The following CDH19 variants were observed in gnomAD, a reference collection of about 807,000 sequenced individuals.
CDH19 encodes the protein cadherin-19.
In CDH19, 67 loss-of-function variants were observed where a neutral mutation model predicts 64.2. That is an observed-to-expected ratio of 1.04 (90% CI 0.86 to 1.28). The LOEUF is 1.28. Among genes scored for constraint, CDH19 ranks in the 50% most tolerant of loss-of-function variants. The pLI is 0.00. For missense variants in CDH19, 1,030 were observed against 929.0 expected, an observed-to-expected ratio of 1.11 and a Z score of -1.41; for synonymous variants, 346 against 319.3, an observed-to-expected ratio of 1.08 and a Z score of -0.89.
chr18:66,510,521 A>AT (rs991919733), intron 10 of CDH19, among the ~76,000 whole-genome samples: 2 of 147,374 alleles, frequency 1.4e-5, no homozygotes, highest in African/African-American at 4.9e-5. Flanking sequence ...TTAAAATATA[A>AT]TTTTTAACTT....
In CDH19 at chr18:66,503,663, G is replaced by T. The variant is rs992981342; in HGVS notation, c.*1149C>A. 6 of 151,272 alleles carry T rather than the reference G, an allele frequency of 4.0e-5. No homozygotes were observed. Among genetic ancestry groups the T allele is most frequent in the African/African-American group, 1.2e-4 (5 of 41,250 alleles). The allele number at this position is 151,272 out of a possible 1,614,324, so 9.4% of individuals were successfully genotyped here. On this transcript the variant is annotated 3_prime_UTR_variant, in exon 12 of 12. Transcript: ENST00000262150. ...TAAGAATGTGTTTTGAGTTGCATAT[G>T]AAAAAAAATCTATGACAAACACCTA...
chr18:66,569,373 G>A (rs1200725912), intron 2 of CDH19, among the ~76,000 whole-genome samples: 1 of 151,462 alleles, frequency 6.6e-6, no homozygotes, highest in Non-Finnish European at 1.5e-5. Flanking sequence ...GAGTCATATG[G>A]TCTTTGTGTA....
At chr18:66,543,107 G>A (rs1031784162) in intron 7 of CDH19, among the ~76,000 whole-genome samples, 1 of 152,102 alleles carries the variant, frequency 6.6e-6, no homozygotes, top group Admixed American at 6.5e-5. Flanking sequence ...CTCACTGCAA[G>A]CTCTGCCTCC....
Position 66,502,757 on chromosome 18 carries a change from T to C in CDH19, c.*2055A>G, listed in dbSNP as rs1225708721. 1 of 151,928 alleles carries C rather than the reference T, an allele frequency of 6.6e-6. No homozygotes were observed. The highest frequency in any genetic ancestry group is 6.6e-5 in the Admixed American group (1 of 15,232). The allele number at this position is 151,928 out of a possible 1,614,324, so 9.4% of individuals were successfully genotyped here. On this transcript the variant is annotated 3_prime_UTR_variant, in exon 12 of 12. Transcript: ENST00000262150. ...TAAATTTTCTCTTGTTTGGTATTTT[T>C]CCTCTTTCCTAATAATGGTATCATT...
chr18:66,556,784 C>G (rs572103048), intron 3 of CDH19, among the ~76,000 whole-genome samples: 1 of 151,962 alleles, frequency 6.6e-6, no homozygotes, highest in South Asian at 2.1e-4. Flanking sequence ...AAGACACACA[C>G]AAATAAATGG....
At chr18:66,562,572 CTG>C (rs1258625360) in intron 3 of CDH19, among the ~76,000 whole-genome samples, 1 of 152,038 alleles carries the variant, frequency 6.6e-6, no homozygotes, top group Non-Finnish European at 1.5e-5. Flanking sequence ...AAGCACCAGT[CTG>C]TGGCCTGGTT....
chr18:66,541,525 C>G (rs1986885598), intron 7 of CDH19, among the ~76,000 whole-genome samples: 1 of 151,898 alleles, frequency 6.6e-6, no homozygotes, highest in Non-Finnish European at 1.5e-5. Context: ...CTGAAATGTG[C>G]TGAAGTGGGT....
rs548603593 is a variant in CDH19 at position 66,586,248 on chromosome 18, T to C, written c.-112-13932A>G. 1.6e-4 allele frequency among the ~76,000 whole-genome samples: 24 copies of C among 152,102 alleles called. 1 individual carries two copies. Among genetic ancestry groups the C allele is most frequent in the African/African-American group, 5.1e-4 (21 of 41,522 alleles). ...AAATGATATATCATAGACTTAGAAT[T>C]TGTGGTGATCAGAGAGTTCCAAACC... On this transcript the variant is annotated intron_variant, in intron 1 of 11. Transcript: ENST00000262150.
intron 3 of CDH19, among the ~76,000 whole-genome samples, chr18:66,558,179 A>AT (rs1247250438): frequency 6.8e-6 from 1 of 147,686 alleles, no homozygotes; most frequent in African/African-American, 2.5e-5. Context: ...ATATATATAT[A>AT]ATATATATAT....
At chr18:66,595,419 T>G (rs1988857900) in intron 1 of CDH19, among the ~76,000 whole-genome samples, 1 of 141,608 alleles carries the variant, frequency 7.1e-6, no homozygotes, top group African/African-American at 2.6e-5. Flanking sequence ...TAAATAAGAT[T>G]AGTATAGTAC....
intron 7 of CDH19, among the ~76,000 whole-genome samples, chr18:66,540,161 G>A (rs965854553): frequency 6.6e-6 from 1 of 151,948 alleles, no homozygotes; most frequent in African/African-American, 2.4e-5. Context: ...ATCTGCTACT[G>A]GCTTCATTAT....
intron 1 of CDH19, among the ~76,000 whole-genome samples, chr18:66,595,527 A>C (rs1268721669): frequency 6.6e-6 from 1 of 150,874 alleles, no homozygotes; most frequent in Non-Finnish European, 1.5e-5. Context: ...AAAAAAAAAA[A>C]AAAAAAACCT....
In CDH19 at chr18:66,502,110, G is replaced by A. The variant is rs1984970100; in HGVS notation, c.*2702C>T. On this transcript the variant is annotated 3_prime_UTR_variant, in exon 12 of 12. Coordinates refer to ENST00000262150, the MANE Select transcript of CDH19 (RefSeq NM_021153.4). ...TTAATGTAATGCCTTTTTAGTTTAA[G>A]AGCTGTGTTCTTGCAACACCCATGT... The A allele has an allele frequency of 6.6e-6, 1 of 151,986 alleles. No individual in the cohort carries two copies. Among genetic ancestry groups the A allele is most frequent in the Admixed American group, 6.6e-5 (1 of 15,230 alleles). 9.4% of individuals were successfully genotyped at this position (151,986 alleles called of 1,614,324 possible).
At position 66,515,598 on chromosome 18, in the gene CDH19, C is replaced by A. The variant is rs112306591; in HGVS notation, c.1459-3913G>T. Reference sequence around the variant, plus strand: ...CTAAGTTTTCTAAAAGGATTTTTCACAAAGTTTCATTATATTTATTTAAAT... The same window carrying A: ...CTAAGTTTTCTAAAAGGATTTTTCAAAAAGTTTCATTATATTTATTTAAAT... On this transcript the variant is annotated intron_variant, in intron 9 of 11. Coordinates refer to ENST00000262150, the MANE Select transcript of CDH19 (RefSeq NM_021153.4). 1.9e-3 allele frequency among the ~76,000 whole-genome samples: 283 copies of A among 151,784 alleles called. 4 individuals are homozygous for A. Among genetic ancestry groups the A allele is most frequent in the African/African-American group, 6.5e-3 (271 of 41,502 alleles).
chr18:66,535,011 G>T lies in CDH19; in HGVS notation c.1311C>A (p.Asn437Lys). 2 of 1,492,846 alleles carry T rather than the reference G, an allele frequency of 1.3e-6. No homozygotes were observed. The highest frequency in any genetic ancestry group is 9.1e-7 in the Non-Finnish European group (1 of 1,103,604). The allele number at this position is 1,492,846 out of a possible 1,614,324, so 92.5% of individuals were successfully genotyped here. ...ATTTTTCTGTGGCTGTAATACTTAG[G>T]TTGTACCAAGCACTGATTTCACGAT... is the stretch of plus-strand genomic sequence containing the variant. ...SLDREISAWYNLSITATEKYN... is the reference protein window; with the variant it reads ...SLDREISAWYKLSITATEKYN... Residue 437 changes from asparagine to lysine, a missense_variant, in exon 8 of 12, where the codon AAC (asparagine) becomes AAA (lysine). Transcript: ENST00000262150.
At chr18:66,536,442 G>C (rs1453617226) in intron 7 of CDH19, among the ~76,000 whole-genome samples, 4 of 151,416 alleles carry the variant, frequency 2.6e-5, no homozygotes, top group Non-Finnish European at 5.9e-5. Context: ...TAGAATTGTT[G>C]GAAAAATTAT....
intron 9 of CDH19, among the ~76,000 whole-genome samples, chr18:66,526,853 G>T (rs1986240784): frequency 6.6e-6 from 1 of 151,650 alleles, no homozygotes; most frequent in East Asian, 1.9e-4. Flanking sequence ...AAATTGTGTT[G>T]CTCAAAGTAT....
At chr18:66,511,445 TG>T (rs777783309) in intron 10 of CDH19, 122 bp downstream of exon 10, 15 of 559,180 alleles carry the variant, frequency 2.7e-5, no homozygotes, top group Non-Finnish European at 4.8e-5. Context: ...GTTACTCTTT[TG>T]CTTGATTTCC....
At chr18:66,571,081 T>A (rs1175387263) in intron 2 of CDH19, among the ~76,000 whole-genome samples, 3 of 150,852 alleles carry the variant, frequency 2.0e-5, no homozygotes, top group African/African-American at 7.3e-5. Context: ...TTTCTTGTAA[T>A]GTGTGTGTGT....
Sources: allele counts gnomAD v4.1 joint callset (sites outside exome capture counted in the v4.1 genomes callset), GRCh38; gene constraint gnomAD v4.1.1; transcripts MANE v1.5; gene names NCBI Gene and HGNC (gene_info 2026-07-23, HGNC 2026-07-21).